Variants in SLC25A42 observed in about 807,000 individuals in gnomAD.
The protein encoded by SLC25A42 is solute carrier family 25 member 42.
Under a neutral mutation model 34.7 loss-of-function variants are expected in SLC25A42, and 19 were observed. That is an observed-to-expected ratio of 0.55 (90% CI 0.38 to 0.80). The LOEUF (loss-of-function observed/expected upper bound fraction) is 0.80, where lower values mean the gene tolerates loss of function less well. Among genes scored for constraint, SLC25A42 ranks in the 30% least tolerant of loss-of-function variants. The probability of loss-of-function intolerance (pLI) is 0.00; values close to 1 mark genes in which losing one functional copy is unlikely to be tolerated. For synonymous variants in SLC25A42, 205 were observed against 191.2 expected, an observed-to-expected ratio of 1.07 and a Z score of -0.59; for missense variants, 364 against 441.3, an observed-to-expected ratio of 0.82 and a Z score of 1.57.
chr19:19,068,440 G>A (rs1282277024), intron 1 of SLC25A42, among the ~76,000 whole-genome samples: 2 of 151,960 alleles, frequency 1.3e-5, no homozygotes, highest in Non-Finnish European at 2.9e-5. Context: ...GCCGAGGCAG[G>A]TGGATCACTT....
chr19:19,096,042 C>G (rs780269863), intron 1 of SLC25A42, 49 bp from the exon 2 acceptor site: 2 of 1,242,818 alleles, frequency 1.6e-6, no homozygotes, highest in South Asian at 2.5e-5. Context: ...GAACACCCAC[C>G]ATCTCTCAGG....
intron 6 of SLC25A42, chr19:19,107,003 C>G (rs930987240): frequency 2.1e-5 from 3 of 142,450 alleles, no homozygotes; most frequent in African/African-American, 7.8e-5. Flanking sequence ...ATACCATGAT[C>G]ATGAAAAATG....
At position 19,110,737 on chromosome 19, in the gene SLC25A42, C is replaced by T; in HGVS notation, c.818C>T (p.Thr273Ile). The T allele has an allele frequency of 1.9e-6, 3 of 1,611,618 alleles. No homozygotes were observed. Among genetic ancestry groups the T allele is most frequent in the Non-Finnish European group, 2.5e-6 (3 of 1,179,216 alleles). Reference protein sequence around the residue: ...PRASIARTLRTIVREEGAVRG... With the variant: ...PRASIARTLRIIVREEGAVRG... ...GCCTCCATCGCCCGCACGCTGCGCACCATCGTGCGGGAGGAGGGCGCCGTG... is the reference window on the plus strand; with the variant it reads ...GCCTCCATCGCCCGCACGCTGCGCATCATCGTGCGGGAGGAGGGCGCCGTG... Residue 273 changes from threonine (T) to isoleucine (I), a missense_variant, in exon 8 of 8, where the codon ACC becomes ATC. Thr to Ile is a moderately conservative substitution (Grantham distance 89). Coordinates refer to ENST00000318596, the MANE Select transcript of SLC25A42 (RefSeq NM_178526.5).
At chr19:19,096,862 G>A (rs756656263) in intron 2 of SLC25A42, among the ~76,000 whole-genome samples, 1 of 152,028 alleles carries the variant, frequency 6.6e-6, no homozygotes, top group Admixed American at 6.6e-5. Context: ...GCTTGAACCT[G>A]GAAGGCAGAG....
chr19:19,067,730 T>C (rs1455341851), intron 1 of SLC25A42, among the ~76,000 whole-genome samples: 2 of 152,088 alleles, frequency 1.3e-5, no homozygotes, highest in Non-Finnish European at 2.9e-5. Flanking sequence ...ATTTTTTTTT[T>C]TTTCACTTGG....
intron 4 of SLC25A42, 95 bp from the exon 5 acceptor site, chr19:19,105,466 C>A: frequency 6.8e-7 from 1 of 1,473,496 alleles, no homozygotes; most frequent in Non-Finnish European, 9.2e-7. Context: ...TCACCCCGGC[C>A]CCGCCTCCGC....
intron 6 of SLC25A42, chr19:19,107,031 CT>C (rs1169533056): frequency 6.8e-6 from 1 of 147,502 alleles, no homozygotes; most frequent in Non-Finnish European, 1.5e-5. Flanking sequence ...ATAGACCGGG[CT>C]TGGGCCCAGG....
chr19:19,096,254 T>TGGGGGG, intron 2 of SLC25A42, 49 bp downstream of exon 2: 1 of 1,456,678 alleles, frequency 6.9e-7, no homozygotes, highest in East Asian at 2.4e-5. Context: ...GGCCCCAGCC[T>TGGGGGG]CCCCACCCCC....
chr19:19,101,505 A>C (rs553114258), intron 2 of SLC25A42, among the ~76,000 whole-genome samples: 1 of 152,148 alleles, frequency 6.6e-6, no homozygotes, highest in African/African-American at 2.4e-5. Flanking sequence ...GGCCAGTCCT[A>C]TTGTGAGCCT....
intron 1 of SLC25A42, among the ~76,000 whole-genome samples, chr19:19,088,714 G>T (rs112977475): frequency 0.064 from 9,634 of 150,452 alleles, 371 homozygotes; most frequent in Middle Eastern, 0.15. Flanking sequence ...TAGCCAAGAT[G>T]GTCTTGATCT....
At chr19:19,074,673 CTG>C (rs373212309) in intron 1 of SLC25A42, among the ~76,000 whole-genome samples, 3 of 151,688 alleles carry the variant, frequency 2.0e-5, no homozygotes, top group African/African-American at 7.3e-5. Context: ...GCATATGAGT[CTG>C]TGTGTGTGTG....
chr19:19,084,181 G>T (rs930560724), intron 1 of SLC25A42, among the ~76,000 whole-genome samples: 1 of 151,976 alleles, frequency 6.6e-6, no homozygotes, highest in African/African-American at 2.4e-5. Flanking sequence ...CCACCACAGT[G>T]TGCCCCGGCA....
At chr19:19,106,475 C>A (rs1253359455) in intron 6 of SLC25A42, 90 bp downstream of exon 6, 7 of 1,059,414 alleles carry the variant, frequency 6.6e-6, no homozygotes, top group Admixed American at 2.3e-5. Flanking sequence ...TATCGGGCCC[C>A]AGGGGTTTGC....
In SLC25A42 at chr19:19,109,908, G is replaced by T. The variant is rs547016070; in HGVS notation, c.650-661G>T. The stretch of plus-strand genomic sequence containing the variant: ...CCACTCTGTGCAACAGCTCGCAGGG[G>T]CTCCCCAGGGAGGGCGCAGGTCGGG... On this transcript the variant is annotated intron_variant, in intron 7 of 7. Transcript: ENST00000318596. The surrounding 1 kb of genome is among the most constrained non-coding windows in gnomAD (Gnocchi z 4.1). Among the ~76,000 whole-genome samples, 1 of 152,300 alleles carries T rather than the reference G, an allele frequency of 6.6e-6. No individual in the cohort carries two copies. Among genetic ancestry groups the T allele is most frequent in the African/African-American group, 2.4e-5 (1 of 41,554 alleles).
chr19:19,097,061 A>C (rs1432572592), intron 2 of SLC25A42, among the ~76,000 whole-genome samples: 1 of 152,212 alleles, frequency 6.6e-6, no homozygotes, highest in East Asian at 1.9e-4. Flanking sequence ...ATTCTCTCAA[A>C]GCAATTGGGT....
At chr19:19,088,656 A>ATT (rs755546650) in intron 1 of SLC25A42, among the ~76,000 whole-genome samples, 4 of 140,840 alleles carry the variant, frequency 2.8e-5, no homozygotes, top group African/African-American at 7.9e-5. Flanking sequence ...CACCCGACTA[A>ATT]TTTTTTTTTT....
intron 1 of SLC25A42, among the ~76,000 whole-genome samples, chr19:19,093,166 G>A (rs1442257968): frequency 6.6e-6 from 1 of 152,124 alleles, no homozygotes; most frequent in East Asian, 1.9e-4. Context: ...GACCACAGGT[G>A]CATGCCATCA....
rs572612093 is a variant in SLC25A42 at position 19,071,594 on chromosome 19, C to T, written c.-35+7479C>T. 3.9e-5 allele frequency among the ~76,000 whole-genome samples: 6 copies of T among 152,068 alleles called. No individual in the cohort carries two copies. In the South Asian group the frequency reaches 8.4e-4, roughly 21 times the overall value. On this transcript the variant is annotated intron_variant, in intron 1 of 7. Transcript: ENST00000318596. Reference sequence around the variant, plus strand: ...GCAGAAAGCAAAATTAGGGCTGGTGCGGTGGCTCACACCTGTAATCCCAGC... The same window carrying T: ...GCAGAAAGCAAAATTAGGGCTGGTGTGGTGGCTCACACCTGTAATCCCAGC...
intron 4 of SLC25A42, 196 bp from the exon 5 acceptor site, chr19:19,105,365 G>A (rs1057270152): frequency 1.2e-5 from 8 of 646,168 alleles, no homozygotes; most frequent in Non-Finnish European, 2.1e-5. Flanking sequence ...AGGGAGGAAG[G>A]ACGGGGCTGG....
Sources: allele counts gnomAD v4.1 joint callset (sites outside exome capture counted in the v4.1 genomes callset), GRCh38; gene constraint gnomAD v4.1.1; non-coding constraint Gnocchi (gnomAD v3.1); transcripts MANE v1.5; gene names NCBI Gene and HGNC (gene_info 2026-07-23, HGNC 2026-07-21).